The following CAMK2D variants were observed in gnomAD, a reference collection of about 807,000 sequenced individuals.
CAMK2D encodes calcium/calmodulin dependent protein kinase II delta, also known as calcium/calmodulin-dependent protein kinase type II subunit delta.
Under a neutral mutation model 84.0 loss-of-function variants are expected in CAMK2D, and 37 were observed. The observed-to-expected ratio is 0.44, with a 90% CI of 0.34 to 0.58. CAMK2D has a LOEUF of 0.58. Ranked by LOEUF, CAMK2D falls within the 20% of genes least tolerant of loss-of-function variation. CAMK2D has a pLI of 0.02. For synonymous variants in CAMK2D, 202 were observed against 212.5 expected, an observed-to-expected ratio of 0.95 and a Z score of 0.43; for missense variants, 448 against 652.5, an observed-to-expected ratio of 0.69 and a Z score of 3.41.
chr4:113,747,217 A>C (rs1298087548), intron 2 of CAMK2D, among the ~76,000 whole-genome samples: 2 of 151,846 alleles, frequency 1.3e-5, no homozygotes, highest in Non-Finnish European at 1.5e-5. Context: ...TATATAAATC[A>C]TGGGCATAAA....
At chr4:113,759,190 T>A in intron 2 of CAMK2D, 130 bp downstream of exon 2, 1 of 503,212 alleles carries the variant, frequency 2.0e-6, no homozygotes, top group East Asian at 3.1e-5. Flanking sequence ...AAGAAAATAA[T>A]CTTAATATAT....
chr4:113,655,290 A>T (rs17046381), intron 3 of CAMK2D, among the ~76,000 whole-genome samples: 14,899 of 152,030 alleles, frequency 0.098, 2,105 homozygotes, highest in African/African-American at 0.32. Context: ...GCCTCTTATT[A>T]TCTGTTACAC....
intron 3 of CAMK2D, among the ~76,000 whole-genome samples, chr4:113,633,848 G>A (rs1329501631): frequency 6.6e-6 from 1 of 152,154 alleles, no homozygotes; most frequent in East Asian, 1.9e-4. Context: ...TCCATCAGAG[G>A]GTTGAGCATC....
chr4:113,730,586 C>A (rs1353840775), intron 2 of CAMK2D, among the ~76,000 whole-genome samples: 1 of 152,222 alleles, frequency 6.6e-6, no homozygotes, highest in Non-Finnish European at 1.5e-5. Context: ...AAGGATCAAA[C>A]TACAAAGGAA....
chr4:113,564,178 T>C (rs1357674754), intron 4 of CAMK2D, among the ~76,000 whole-genome samples: 3 of 152,164 alleles, frequency 2.0e-5, no homozygotes, highest in African/African-American at 7.2e-5. Flanking sequence ...ATCAGTGACC[T>C]CCTCCTTGGA....
chr4:113,571,601 C>T (rs1200305571), intron 4 of CAMK2D, among the ~76,000 whole-genome samples: 7 of 152,142 alleles, frequency 4.6e-5, no homozygotes, highest in African/African-American at 1.7e-4. Flanking sequence ...CGGCTGGGCG[C>T]GGTGGCTCAC....
chr4:113,660,969 T>G (rs1256980213), intron 3 of CAMK2D, among the ~76,000 whole-genome samples: 1 of 151,800 alleles, frequency 6.6e-6, no homozygotes, highest in Non-Finnish European at 1.5e-5. Flanking sequence ...ATAATTTTTT[T>G]GTATTTTTAG....
chr4:113,700,881 A>T (rs1324488870), intron 2 of CAMK2D, among the ~76,000 whole-genome samples: 3 of 152,174 alleles, frequency 2.0e-5, no homozygotes, highest in African/African-American at 7.2e-5. Context: ...TCAGGAATAG[A>T]CTAAGGGAAA....
intron 6 of CAMK2D, among the ~76,000 whole-genome samples, chr4:113,539,511 G>A (rs1459736547): frequency 1.3e-5 from 2 of 152,238 alleles, no homozygotes; most frequent in Non-Finnish European, 2.9e-5. Context: ...GTTGGGCAGG[G>A]CTTGTGTGCA....
chr4:113,542,813 A>G (rs1296009611), intron 6 of CAMK2D, among the ~76,000 whole-genome samples: 1 of 152,192 alleles, frequency 6.6e-6, no homozygotes, highest in Non-Finnish European at 1.5e-5. Flanking sequence ...TATTCCTATG[A>G]AACAGCCTTA....
chr4:113,645,730 A>T (rs1218480595), intron 3 of CAMK2D, among the ~76,000 whole-genome samples: 1 of 152,130 alleles, frequency 6.6e-6, no homozygotes, highest in Admixed American at 6.5e-5. Context: ...AAAATCCATG[A>T]CATTTATTGA....
chr4:113,685,105 G>T (rs1191823218), intron 2 of CAMK2D, among the ~76,000 whole-genome samples: 2 of 152,128 alleles, frequency 1.3e-5, no homozygotes, highest in Non-Finnish European at 2.9e-5. Flanking sequence ...CAATCCAGCA[G>T]CCTCTCCAGA....
chr4:113,484,427 T>C (rs72678716), intron 16 of CAMK2D, among the ~76,000 whole-genome samples: 182 of 152,216 alleles, frequency 1.2e-3, no homozygotes, highest in Non-Finnish European at 2.0e-3. Flanking sequence ...GATCTCTGCT[T>C]ATATGATTCC....
chr4:113,663,822 G>A (rs2099246839), intron 2 of CAMK2D, among the ~76,000 whole-genome samples: 2 of 150,134 alleles, frequency 1.3e-5, no homozygotes, highest in Admixed American at 6.6e-5. Flanking sequence ...TTGCTATAGA[G>A]ATAAACATAA....
intron 2 of CAMK2D, among the ~76,000 whole-genome samples, chr4:113,736,256 C>T (rs1393174193): frequency 6.6e-6 from 1 of 151,978 alleles, no homozygotes; most frequent in Non-Finnish European, 1.5e-5. Context: ...TTTTTAGATG[C>T]TATTCTTCAA....
chr4:113,604,713 T>C (rs1233425717), intron 4 of CAMK2D, among the ~76,000 whole-genome samples: 4 of 152,216 alleles, frequency 2.6e-5, no homozygotes, highest in Non-Finnish European at 5.9e-5. Context: ...CCACTTTAGT[T>C]AAAAATCTTA....
intron 4 of CAMK2D, among the ~76,000 whole-genome samples, chr4:113,592,354 T>C (rs2098893250): frequency 6.6e-6 from 1 of 152,348 alleles, no homozygotes; most frequent in East Asian, 1.9e-4. Flanking sequence ...TTCTCTTTCA[T>C]AGCAGAATGT....
At chr4:113,701,241 AT>A (rs2099416619) in intron 2 of CAMK2D, among the ~76,000 whole-genome samples, 1 of 152,192 alleles carries the variant, frequency 6.6e-6, no homozygotes, top group African/African-American at 2.4e-5. Context: ...ACTGTGGGCT[AT>A]TCAGGTCATT....
chr4:113,487,829 A>C (rs2097780197), intron 16 of CAMK2D, among the ~76,000 whole-genome samples: 1 of 151,992 alleles, frequency 6.6e-6, no homozygotes, highest in Admixed American at 6.6e-5. Context: ...TAATTGTTTT[A>C]TAATAATATG....
Sources: allele counts gnomAD v4.1 joint callset (sites outside exome capture counted in the v4.1 genomes callset), GRCh38; gene constraint gnomAD v4.1.1; transcripts MANE v1.5; gene names NCBI Gene and HGNC (gene_info 2026-07-23, HGNC 2026-07-21).